The following C12orf75 variants were observed in gnomAD, a reference collection of about 807,000 sequenced individuals.
The protein encoded by C12orf75 is overexpressed in colon carcinoma 1 protein.
In C12orf75, 4 loss-of-function variants were observed where a neutral mutation model predicts 11.4. The ratio of observed to expected loss-of-function variants is 0.35; its 90% CI spans 0.17 to 0.80. The LOEUF (loss-of-function observed/expected upper bound fraction) is 0.80, where lower values mean the gene tolerates loss of function less well. C12orf75 is among the 30% of genes least tolerant of loss of function. C12orf75 has a pLI of 0.52. For synonymous variants in C12orf75, 30 were observed against 30.0 expected, an observed-to-expected ratio of 1.00 and a Z score of 0.00; for missense variants, 89 against 80.4, an observed-to-expected ratio of 1.11 and a Z score of -0.41.
chr12:105,332,105 T>G (rs2136138207), intron 1 of C12orf75, among the ~76,000 whole-genome samples: 1 of 152,130 alleles, frequency 6.6e-6, no homozygotes, highest in South Asian at 2.1e-4. Context: ...GTGGGGAAGG[T>G]TAGTGTAGCA....
chr12:105,366,761 T>C, intron 4 of C12orf75, 65 bp downstream of exon 4: 3 of 968,314 alleles, frequency 3.1e-6, no homozygotes, highest in Middle Eastern at 2.1e-4. Context: ...TGAAAAAGCA[T>C]GAAATTTATA....
chr12:105,352,174 A>G (rs1301904916), intron 2 of C12orf75, among the ~76,000 whole-genome samples: 1 of 152,204 alleles, frequency 6.6e-6, no homozygotes, highest in Non-Finnish European at 1.5e-5. Flanking sequence ...CTGATAGTCC[A>G]AAGAGGTCAT....
intron 1 of C12orf75, among the ~76,000 whole-genome samples, chr12:105,340,741 T>A (rs1460785532): frequency 1.3e-5 from 2 of 151,810 alleles, no homozygotes; most frequent in Non-Finnish European, 1.5e-5. Context: ...AAGTTAAGGG[T>A]TTTGAGATGC....
In C12orf75 at chr12:105,330,913, G is replaced by T; in HGVS notation, c.22G>T (p.Ala8Ser). The part of the protein sequence containing the change: MGCGNST[A>S]TSAGAGQGPA... ...CGCGATGGGCTGCGGGAACTCCACC[G>T]CCACCAGCGCGGGCGCGGGCCAAGG... is the stretch of plus-strand genomic sequence containing the variant. Residue 8 changes from alanine (A) to serine (S), a missense_variant, in exon 1 of 6, where the codon GCC (alanine) becomes TCC (serine). Physicochemically the swap from Ala to Ser is moderately conservative, Grantham distance 99. Transcript: ENST00000443585. 1 of 1,241,340 alleles carries T rather than the reference G, an allele frequency of 8.1e-7. No homozygotes were observed. Among genetic ancestry groups the T allele is most frequent in the Non-Finnish European group, 1.0e-6 (1 of 994,784 alleles). The allele number at this position is 1,241,340 out of a possible 1,614,324, so 76.9% of individuals were successfully genotyped here. A position where few individuals can be genotyped will look rare whatever the true frequency, so the allele number is the denominator to read the frequency against.
At chr12:105,331,838 C>T (rs1566134169) in intron 1 of C12orf75, among the ~76,000 whole-genome samples, 1 of 152,152 alleles carries the variant, frequency 6.6e-6, no homozygotes, top group Non-Finnish European at 1.5e-5. Flanking sequence ...GAGCTCCTAT[C>T]TCCTCCAATT....
chr12:105,362,829 C>T (rs981665098), intron 2 of C12orf75, among the ~76,000 whole-genome samples: 1 of 152,160 alleles, frequency 6.6e-6, no homozygotes, highest in South Asian at 2.1e-4. Context: ...TTCGGTCATG[C>T]TACTCAGTTT....
Position 105,339,551 on chromosome 12 carries a change from G to T in C12orf75, c.46+8614G>T, listed in dbSNP as rs112538379. 7.0e-4 allele frequency among the ~76,000 whole-genome samples: 106 copies of T among 152,110 alleles called. 1 individual carries two copies. Among genetic ancestry groups the T allele is most frequent in the African/African-American group, 2.4e-3 (101 of 41,490 alleles). ...TCTAGTATATTTTATAAAGTCTAGAGTCTATATAGTATGGTGGTCATAAAA... is the reference window on the plus strand; with the variant it reads ...TCTAGTATATTTTATAAAGTCTAGATTCTATATAGTATGGTGGTCATAAAA... On this transcript the variant is annotated intron_variant, in intron 1 of 5. Transcript: ENST00000443585.
intron 2 of C12orf75, among the ~76,000 whole-genome samples, chr12:105,355,177 T>G (rs1566140098): frequency 7.9e-6 from 1 of 126,046 alleles, no homozygotes; most frequent in Admixed American, 8.1e-5. Flanking sequence ...TCTTTTTCTT[T>G]TTCTTTTTTT....
intron 1 of C12orf75, among the ~76,000 whole-genome samples, chr12:105,337,375 C>T (rs905189372): frequency 6.6e-6 from 1 of 152,096 alleles, no homozygotes. Flanking sequence ...AGAGTTTAAT[C>T]ATTTCAGGGC....
Position 105,370,964 on chromosome 12 carries a change from A to T in C12orf75, c.*364A>T. 1 of 218,034 alleles carries T rather than the reference A, an allele frequency of 4.6e-6. No individual in the cohort carries two copies. The highest frequency in any genetic ancestry group is 9.8e-5 in the East Asian group (1 of 10,230). 13.5% of individuals were successfully genotyped at this position (218,034 alleles called of 1,614,324 possible). A position where few individuals can be genotyped will look rare whatever the true frequency, so the allele number is the denominator to read the frequency against. On this transcript the variant is annotated 3_prime_UTR_variant, in exon 6 of 6. Transcript: ENST00000443585. ...TCATGGAGGTCATGTCTTTTCACTG[A>T]TACTTTTTTGATAGTTTTTATATAA...
chr12:105,367,600 A>G (rs1304722509), intron 5 of C12orf75, 91 bp downstream of exon 5: 8 of 353,990 alleles, frequency 2.3e-5, no homozygotes, highest in Non-Finnish European at 4.3e-5. Context: ...AATTTCTAAG[A>G]AATCTTGAAC....
intron 1 of C12orf75, among the ~76,000 whole-genome samples, chr12:105,338,656 T>C (rs1237859155): frequency 6.6e-6 from 1 of 152,166 alleles, no homozygotes; most frequent in Non-Finnish European, 1.5e-5. Context: ...TTCAGGCTGC[T>C]ATCATTCATG....
chr12:105,358,803 A>T (rs1892821124), intron 2 of C12orf75, among the ~76,000 whole-genome samples: 1 of 152,188 alleles, frequency 6.6e-6, no homozygotes, highest in African/African-American at 2.4e-5. Context: ...TAGAAAATGG[A>T]ATCACTGCTC....
intron 1 of C12orf75, among the ~76,000 whole-genome samples, chr12:105,342,233 C>T (rs1423885954): frequency 6.6e-6 from 1 of 152,206 alleles, no homozygotes; most frequent in Non-Finnish European, 1.5e-5. Flanking sequence ...GAGGGCTCTG[C>T]TCCCATGAAT....
At chr12:105,366,167 T>C in intron 3 of C12orf75, 1 of 356,902 alleles carries the variant, frequency 2.8e-6, no homozygotes. Context: ...TCTGATTAAC[T>C]GCACTCCACC....
intron 3 of C12orf75, 124 bp downstream of exon 3, chr12:105,365,966 A>T: frequency 1.4e-6 from 1 of 739,098 alleles, no homozygotes; most frequent in East Asian, 2.7e-5. Context: ...CACAGAGAAT[A>T]CAGGTAGGGG....
chr12:105,332,835 TA>T (rs1175085762), intron 1 of C12orf75, among the ~76,000 whole-genome samples: 1 of 150,482 alleles, frequency 6.6e-6, no homozygotes, highest in Non-Finnish European at 1.5e-5. Flanking sequence ...GGGGGGAAAA[TA>T]TGATTTCTTG....
Position 105,364,550 on chromosome 12 carries a change from A to G in C12orf75, c.72-1257A>G, listed in dbSNP as rs375570248. 7.2e-5 allele frequency among the ~76,000 whole-genome samples: 11 copies of G among 152,350 alleles called. No homozygotes were observed. In the East Asian group the frequency reaches 1.3e-3, roughly 19 times the overall value. On this transcript the variant is annotated intron_variant, in intron 2 of 5. Transcript: ENST00000443585. Reference sequence around the variant, plus strand: ...GCAATAAAGCAAAAATCTCATGCACATATACAGTCACATTTGAAATATTCA... The same window carrying G: ...GCAATAAAGCAAAAATCTCATGCACGTATACAGTCACATTTGAAATATTCA...
At chr12:105,359,455 C>G (rs1331708422) in intron 2 of C12orf75, among the ~76,000 whole-genome samples, 1 of 152,020 alleles carries the variant, frequency 6.6e-6, no homozygotes, top group Non-Finnish European at 1.5e-5. Context: ...GCCCTCCACC[C>G]CAGGAGGCTA....
Sources: gnomAD v4.1 joint callset for allele counts (sites outside exome capture counted in the v4.1 genomes callset) on GRCh38, gnomAD v4.1.1 for gene constraint, MANE v1.5 for transcripts, NCBI Gene and HGNC (gene_info 2026-07-23, HGNC 2026-07-21) for gene names.